Variants in LDB2 observed in about 807,000 individuals in gnomAD.
The protein encoded by LDB2 is LIM domain-binding protein 2.
Under a neutral mutation model 44.3 loss-of-function variants are expected in LDB2, and 12 were observed. The observed-to-expected ratio is 0.27, with a 90% CI of 0.17 to 0.44. The LOEUF is 0.44. LDB2 is among the 20% of genes least tolerant of loss of function. The probability of loss-of-function intolerance (pLI) is 1.00; values close to 1 mark genes in which losing one functional copy is unlikely to be tolerated. For synonymous variants in LDB2, 164 were observed against 174.8 expected (o/e 0.94, Z 0.49); for missense variants, 344 against 473.5 (o/e 0.73, Z 2.54).
intron 5 of LDB2, among the ~76,000 whole-genome samples, chr4:16,568,982 T>A (rs1269071762): frequency 6.6e-6 from 1 of 152,228 alleles, no homozygotes; most frequent in Non-Finnish European, 1.5e-5. Context: ...CTTATGAAGT[T>A]ACATGTAACA....
At chr4:16,673,177 C>T (rs756954106) in intron 2 of LDB2, among the ~76,000 whole-genome samples, 18 of 152,064 alleles carry the variant, frequency 1.2e-4, no homozygotes, top group Non-Finnish European at 1.9e-4. Flanking sequence ...ATCCACTTCA[C>T]AAGAGATATC....
chr4:16,638,729 G>C (rs1001826582), intron 2 of LDB2, among the ~76,000 whole-genome samples: 1 of 152,136 alleles, frequency 6.6e-6, no homozygotes, highest in African/African-American at 2.4e-5. Context: ...CAAGCACTGT[G>C]CTGGGTACTA....
chr4:16,728,994 T>C (rs1319867683), intron 2 of LDB2, among the ~76,000 whole-genome samples: 1 of 152,196 alleles, frequency 6.6e-6, no homozygotes, highest in Non-Finnish European at 1.5e-5. Context: ...CCCTTTTTTA[T>C]TGGAAGGACT....
At chr4:16,895,320 TC>T (rs200491254) in intron 1 of LDB2, among the ~76,000 whole-genome samples, 2,066 of 152,124 alleles carry the variant, frequency 0.014, 21 homozygotes, top group Middle Eastern at 0.051. Context: ...AATGCATGGA[TC>T]CCCATGAGAA....
chr4:16,749,428 A>G (rs1005956359), intron 2 of LDB2, among the ~76,000 whole-genome samples: 1 of 151,100 alleles, frequency 6.6e-6, no homozygotes, highest in Non-Finnish European at 1.5e-5. Context: ...TGTGGTTGTG[A>G]GCGCCTATAG....
chr4:16,542,105 G>GGT (rs1553889142), intron 5 of LDB2, among the ~76,000 whole-genome samples: 7 of 146,868 alleles, frequency 4.8e-5, no homozygotes, highest in Admixed American at 2.0e-4. Context: ...AGGTGGTGGG[G>GGT]GGGGGGGCGC....
At chr4:16,681,633 T>C (rs1199216664) in intron 2 of LDB2, among the ~76,000 whole-genome samples, 15 of 139,368 alleles carry the variant, frequency 1.1e-4, no homozygotes, top group Middle Eastern at 3.6e-3. Context: ...TTTTTTTTTT[T>C]TTTTTTTTTT....
chr4:16,716,261 G>A (rs1031636267), intron 2 of LDB2, among the ~76,000 whole-genome samples: 1 of 152,130 alleles, frequency 6.6e-6, no homozygotes, highest in Non-Finnish European at 1.5e-5. Flanking sequence ...CAGTATAGTG[G>A]GCCTTCAGCA....
chr4:16,663,503 G>T (rs990093264), intron 2 of LDB2, among the ~76,000 whole-genome samples: 3 of 152,138 alleles, frequency 2.0e-5, no homozygotes, highest in Admixed American at 6.5e-5. Context: ...AGATGTAAAT[G>T]GTTGGTGACT....
At chr4:16,861,559 C>T (rs1457723442) in intron 1 of LDB2, among the ~76,000 whole-genome samples, 5 of 152,206 alleles carry the variant, frequency 3.3e-5, no homozygotes, top group Non-Finnish European at 7.3e-5. Context: ...GACTTTCTCC[C>T]TTCCCCACAG....
chr4:16,705,179 G>A (rs138644025), intron 2 of LDB2, among the ~76,000 whole-genome samples: 16 of 152,202 alleles, frequency 1.1e-4, no homozygotes, highest in East Asian at 1.9e-4. Context: ...GAAAACAGTC[G>A]TGTGCCCTTC....
At chr4:16,581,553 G>T in intron 5 of LDB2, 1 of 378,494 alleles carries the variant, frequency 2.6e-6, no homozygotes, top group Non-Finnish European at 3.6e-6. Context: ...ACTTCCTAGA[G>T]CTCCCCAAGT....
At chr4:16,792,879 GTAGAAA>G (rs1776051163) in intron 1 of LDB2, among the ~76,000 whole-genome samples, 1 of 152,192 alleles carries the variant, frequency 6.6e-6, no homozygotes, top group African/African-American at 2.4e-5. Flanking sequence ...GCATACTGTT[GTAGAAA>G]TAAACATCAA....
intron 1 of LDB2, among the ~76,000 whole-genome samples, chr4:16,772,119 G>A (rs1770850882): frequency 6.6e-6 from 1 of 152,128 alleles, no homozygotes; most frequent in South Asian, 2.1e-4. Flanking sequence ...ACCACCAGTG[G>A]ATGCCTTTCC....
chr4:16,513,993 C>T (rs1482344235), intron 5 of LDB2, among the ~76,000 whole-genome samples: 1 of 152,176 alleles, frequency 6.6e-6, no homozygotes, highest in African/African-American at 2.4e-5. Context: ...ACCCACATTC[C>T]AGCAAGGATC....
chr4:16,573,293 A>G lies in LDB2; in HGVS notation c.615+12629T>C, dbSNP rs542607609. 2.6e-5 allele frequency among the ~76,000 whole-genome samples: 4 copies of G among 152,222 alleles called. No individual in the cohort carries two copies. In the South Asian group the frequency reaches 8.3e-4, roughly 32 times the overall value. On this transcript the variant is annotated intron_variant, in intron 5 of 7. Coordinates refer to ENST00000304523, the MANE Select transcript of LDB2 (RefSeq NM_001290.5). ...ACAACGGAGCTGGTTTCTGAATCAG[A>G]CTCATGTTACAGAGCTCAATGCTGG...
At chr4:16,724,587 T>C (rs1759030197) in intron 2 of LDB2, among the ~76,000 whole-genome samples, 1 of 152,046 alleles carries the variant, frequency 6.6e-6, no homozygotes, top group South Asian at 2.1e-4. Flanking sequence ...AAATCTATAG[T>C]ATCAAGTTCA....
intron 1 of LDB2, among the ~76,000 whole-genome samples, chr4:16,765,302 C>T (rs972582314): frequency 2.6e-5 from 4 of 152,202 alleles, no homozygotes; most frequent in African/African-American, 9.7e-5. Flanking sequence ...AAGGGACCTC[C>T]AGCAGCTCAC....
At chr4:16,885,704 G>T (rs115963994) in intron 1 of LDB2, among the ~76,000 whole-genome samples, 1 of 152,150 alleles carries the variant, frequency 6.6e-6, no homozygotes, top group East Asian at 1.9e-4. Context: ...TATGGACCTT[G>T]TGAAAGATTA....
Sources: allele counts gnomAD v4.1 joint callset (sites outside exome capture counted in the v4.1 genomes callset), GRCh38; gene constraint gnomAD v4.1.1; transcripts MANE v1.5; gene names NCBI Gene and HGNC (gene_info 2026-07-23, HGNC 2026-07-21).